ARGLU1: variants seen among roughly 807,000 people sequenced by gnomAD.
ARGLU1 encodes arginine and glutamate-rich protein 1.
ARGLU1 carries 9 observed loss-of-function variants against 37.6 expected under a neutral mutation model. That is an observed-to-expected ratio of 0.24 (90% CI 0.14 to 0.42). The LOEUF (loss-of-function observed/expected upper bound fraction) is 0.42. Ranked by LOEUF, ARGLU1 falls within the 10% of genes least tolerant of loss-of-function variation. The pLI is 1.00. For missense variants in ARGLU1, 211 were observed against 359.2 expected, an observed-to-expected ratio of 0.59 and a Z score of 3.34; for synonymous variants, 166 against 138.5, an observed-to-expected ratio of 1.20 and a Z score of -1.39.
Position 106,557,607 on chromosome 13 carries a change from C to CCAGCTT in ARGLU1, c.574-482_574-477dup, listed in dbSNP as rs1880692089. On this transcript the variant is annotated intron_variant, in intron 2 of 3. Transcript: ENST00000400198. The surrounding 1 kb of genome is among the most constrained non-coding windows in gnomAD (Gnocchi z 5.0). ...GTGTGCTCCTCGGCTGCCATACGCGCCAGCTTCCTCTTTAAAATGATTTGT... is the reference window on the plus strand; with the variant it reads ...GTGTGCTCCTCGGCTGCCATACGCGCCAGCTTCAGCTTCCTCTTTAAAATGATTTGT... The CCAGCTT allele has an allele frequency of 6.2e-7, 1 of 1,605,394 alleles. No individual in the cohort carries two copies. The highest frequency in any genetic ancestry group is 1.3e-5 in the African/African-American group (1 of 74,856).
intron 3 of ARGLU1, among the ~76,000 whole-genome samples, chr13:106,550,586 C>T (rs1204462984): frequency 6.6e-6 from 1 of 152,172 alleles, no homozygotes; most frequent in Non-Finnish European, 1.5e-5. Context: ...ATACCCTGTT[C>T]TTTTTCCAAC....
At chr13:106,549,490 C>T (rs914373618) in intron 3 of ARGLU1, among the ~76,000 whole-genome samples, 12 of 152,284 alleles carry the variant, frequency 7.9e-5, no homozygotes, top group African/African-American at 2.6e-4. Flanking sequence ...AGTTCTGACA[C>T]TTAGTAAACT....
intron 2 of ARGLU1, chr13:106,558,924 G>A (rs1221031072): frequency 1.0e-6 from 1 of 985,154 alleles, no homozygotes; most frequent in Non-Finnish European, 1.2e-6. Context: ...AGGGAGTGAG[G>A]GATAAAAGAA....
Position 106,557,122 on chromosome 13 carries a change from G to A in ARGLU1, c.583C>T (p.Arg195Cys), listed in dbSNP as rs765426450. Residue 195 changes from arginine to cysteine, a missense_variant, in exon 3 of 4, where the codon CGT (arginine) becomes TGT (cysteine). By Grantham distance (180) the Arg-to-Cys change is radical. Coordinates refer to ENST00000400198, the MANE Select transcript of ARGLU1 (RefSeq NM_018011.4). This position sits in a 1 kb window ranked among gnomAD's most constrained non-coding sequence, Gnocchi z 5.0. ...CGCTCTAGCTCCTCACGTTTTGCAC[G>A]TTCTTCCTCCTAAAGGGGAGGATAT... ...AAQKAREEEE[R>C]AKREELERIL... 5 of 1,613,118 alleles carry A rather than the reference G, an allele frequency of 3.1e-6. No individual in the cohort carries two copies. The highest frequency in any genetic ancestry group is 1.3e-5 in the African/African-American group (1 of 74,990).
At position 106,557,723 on chromosome 13, in the gene ARGLU1, T is replaced by C; in HGVS notation, c.574-592A>G. On this transcript the variant is annotated intron_variant, in intron 2 of 3. Transcript: ENST00000400198. The surrounding 1 kb of genome is among the most constrained non-coding windows in gnomAD (Gnocchi z 5.0). ...GGCTGAGCTGAGGAATGCAGATGTT[T>C]ATGGTAAGAAGGAACAAAAAATGTA... The C allele has an allele frequency of 7.1e-7, 1 of 1,398,796 alleles. No homozygotes were observed. Among genetic ancestry groups the C allele is most frequent in the Non-Finnish European group, 9.4e-7 (1 of 1,062,732 alleles). The allele number at this position is 1,398,796 out of a possible 1,614,324, so 86.6% of individuals were successfully genotyped here.
rs927439865 is a variant in ARGLU1 at position 106,567,017 on chromosome 13, G to A, written c.347+556C>T. Among the ~76,000 whole-genome samples, 2 of 151,966 alleles carry A rather than the reference G, an allele frequency of 1.3e-5. No individual in the cohort carries two copies. Among genetic ancestry groups the A allele is most frequent in the Non-Finnish European group, 2.9e-5 (2 of 68,006 alleles). ...AGCAATCCCAACACCTTAACAACAG[G>A]AATACACTAAAGTGAAAATGCATTT... On this transcript the variant is annotated intron_variant, in intron 1 of 3. Coordinates refer to ENST00000400198, the MANE Select transcript of ARGLU1 (RefSeq NM_018011.4). This position sits in a 1 kb window ranked among gnomAD's most constrained non-coding sequence, Gnocchi z 4.3.
chr13:106,546,021 C>CTAAA (rs1325728171), intron 3 of ARGLU1, among the ~76,000 whole-genome samples: 1 of 152,218 alleles, frequency 6.6e-6, no homozygotes, highest in Admixed American at 6.5e-5. Flanking sequence ...CTGCCCTTTA[C>CTAAA]ACTTTCCCTT....
At position 106,541,869 on chromosome 13, in the gene ARGLU1, T is replaced by G. The variant is rs774141107; in HGVS notation, c.*2127A>C. 1.3e-5 allele frequency: 2 copies of G among 152,132 alleles called. No homozygotes were observed. Among genetic ancestry groups the G allele is most frequent in the Non-Finnish European group, 2.9e-5 (2 of 68,016 alleles). 9.4% of individuals were successfully genotyped at this position (152,132 alleles called of 1,614,324 possible). A position where few individuals can be genotyped will look rare whatever the true frequency, so the allele number is the denominator to read the frequency against. ...TAACTTCTAATAGACTGGGGGAAAT[T>G]TTTAAGTTTTCTATGTACACAAAGG... On this transcript the variant is annotated 3_prime_UTR_variant, in exon 4 of 4. Coordinates refer to ENST00000400198, the MANE Select transcript of ARGLU1 (RefSeq NM_018011.4).
At chr13:106,548,393 C>T (rs1880449158) in intron 3 of ARGLU1, among the ~76,000 whole-genome samples, 1 of 152,156 alleles carries the variant, frequency 6.6e-6, no homozygotes, top group African/African-American at 2.4e-5. Context: ...AACCATTGCT[C>T]CTTTCCCTGC....
At chr13:106,549,253 AAG>A (rs1266710000) in intron 3 of ARGLU1, among the ~76,000 whole-genome samples, 1 of 152,232 alleles carries the variant, frequency 6.6e-6, no homozygotes, top group Non-Finnish European at 1.5e-5. Context: ...GAAATATTTC[AAG>A]AGTGATTATA....
chr13:106,563,864 G>A (rs1880885376), intron 1 of ARGLU1, among the ~76,000 whole-genome samples: 1 of 151,674 alleles, frequency 6.6e-6, no homozygotes, highest in South Asian at 2.1e-4. Context: ...CCCTTAATCC[G>A]TCATCCAGTT....
rs1235535922 is a variant in ARGLU1, at chr13:106,541,859, TG to T, written c.*2136del. ...GGGAACATCTTAACTTCTAATAGAC[TG>T]GGGGAAATTTTTAAGTTTTCTATGT... On this transcript the variant is annotated 3_prime_UTR_variant, in exon 4 of 4. Coordinates refer to ENST00000400198, the MANE Select transcript of ARGLU1 (RefSeq NM_018011.4). 6.6e-6 allele frequency: 1 copy of T among 152,128 alleles called. No individual in the cohort carries two copies. The highest frequency in any genetic ancestry group is 2.4e-5 in the African/African-American group (1 of 41,444). The allele number at this position is 152,128 out of a possible 1,614,324, so 9.4% of individuals were successfully genotyped here.
intron 1 of ARGLU1, among the ~76,000 whole-genome samples, chr13:106,560,576 A>G (rs988901511): frequency 1.3e-5 from 2 of 152,196 alleles, no homozygotes; most frequent in African/African-American, 2.4e-5. Flanking sequence ...TGTTAAAATG[A>G]TATTTTGGAT....
Position 106,559,542 on chromosome 13 carries a change from G to C in ARGLU1, c.463C>G (p.Arg155Gly), listed in dbSNP as rs1003308951. ...TCCTCCACCCTTCGGAGAACTTCTC[G>C]TTCAATTTCATCCTTCCTTTTCTCC... Reference protein sequence around the residue: ...ELEKRKDEIEREVLRRVEEAK... With the variant: ...ELEKRKDEIEGEVLRRVEEAK... Residue 155 changes from arginine (R) to glycine (G), a missense_variant, in exon 2 of 4, where the codon CGA becomes GGA. Around this residue, in one of 3 missense-constraint regions of ARGLU1, gnomAD observed 80 missense variants for 158.4 expected, o/e 0.51. Coordinates refer to ENST00000400198, the MANE Select transcript of ARGLU1 (RefSeq NM_018011.4). 1 of 1,613,884 alleles carries C rather than the reference G, an allele frequency of 6.2e-7. No individual in the cohort carries two copies. Among genetic ancestry groups the C allele is most frequent in the Non-Finnish European group, 8.5e-7 (1 of 1,180,020 alleles).
rs569001235 is a variant in ARGLU1, at chr13:106,553,294, A to C, written c.657+3754T>G. 9.0e-4 allele frequency among the ~76,000 whole-genome samples: 137 copies of C among 152,256 alleles called. 2 individuals carry two copies. The South Asian group carries it at 0.028, about 31-fold the overall frequency. ...GGATATATAAATTTTGTATTTAGCT[A>C]CCTCCTATTTTGTATTTCCCCTGAA... On this transcript the variant is annotated intron_variant, in intron 3 of 3. Transcript: ENST00000400198.
chr13:106,559,276 G>C, intron 2 of ARGLU1, 156 bp downstream of exon 2: 2 of 1,536,094 alleles, frequency 1.3e-6, no homozygotes, highest in Non-Finnish European at 1.7e-6. Context: ...CTTCTGAATA[G>C]GCTAAAAAAT....
intron 3 of ARGLU1, among the ~76,000 whole-genome samples, chr13:106,549,813 C>G (rs977216734): frequency 1.3e-5 from 2 of 152,150 alleles, no homozygotes; most frequent in Admixed American, 1.3e-4. Flanking sequence ...GTGAAGACAA[C>G]TGTTTCAAAA....
intron 1 of ARGLU1, among the ~76,000 whole-genome samples, chr13:106,566,405 C>T (rs966809503): frequency 1.3e-5 from 2 of 152,318 alleles, no homozygotes; most frequent in Middle Eastern, 3.4e-3. Context: ...CACACATATA[C>T]TCGCCTCGAG....
At position 106,568,005 on chromosome 13, in the gene ARGLU1, G is replaced by C; in HGVS notation, c.-86C>G. The C allele has an allele frequency of 6.7e-7, 1 of 1,494,170 alleles. No homozygotes were observed. The highest frequency in any genetic ancestry group is 8.8e-7 in the Non-Finnish European group (1 of 1,132,670). 92.6% of individuals were successfully genotyped at this position (1,494,170 alleles called of 1,614,324 possible). A position where few individuals can be genotyped will look rare whatever the true frequency, so the allele number is the denominator to read the frequency against. ...CTCCGCCTTCGGACGCGGGCTGGCG[G>C]TTCTACCGAGGCCGGAGGAAAGAAA... is the stretch of plus-strand genomic sequence containing the variant. On this transcript the variant is annotated 5_prime_UTR_variant, in exon 1 of 4. Coordinates refer to ENST00000400198, the MANE Select transcript of ARGLU1 (RefSeq NM_018011.4).
Sources: gnomAD v4.1 joint callset for allele counts (sites outside exome capture counted in the v4.1 genomes callset) on GRCh38, gnomAD v4.1.1 for gene constraint, gnomAD v4.1.1 regional missense constraint, Gnocchi (gnomAD v3.1) non-coding constraint, MANE v1.5 for transcripts, NCBI Gene and HGNC (gene_info 2026-07-23, HGNC 2026-07-21) for gene names.